The following ATP13A4 variants were observed in gnomAD, a reference collection of about 807,000 sequenced individuals.
ATP13A4 encodes the protein probable cation-transporting ATPase 13A4.
In ATP13A4, 114 loss-of-function variants were observed where a neutral mutation model predicts 142.5. That is an observed-to-expected ratio of 0.80 (90% CI 0.69 to 0.93). ATP13A4 has a LOEUF of 0.93. Ranked by LOEUF, ATP13A4 falls within the 40% of genes least tolerant of loss-of-function variation. The probability of loss-of-function intolerance (pLI) is 0.00; values close to 1 mark genes in which losing one functional copy is unlikely to be tolerated. For missense variants in ATP13A4, 1,392 were observed against 1,454.0 expected, an observed-to-expected ratio of 0.96 and a Z score of 0.69; for synonymous variants, 488 against 514.8, an observed-to-expected ratio of 0.95 and a Z score of 0.70.
intron 1 of ATP13A4, among the ~76,000 whole-genome samples, chr3:193,534,945 A>C (rs1282719987): frequency 8.1e-5 from 12 of 148,094 alleles, no homozygotes. Flanking sequence ...TCTGTAAAAA[A>C]TAAAGACAAA....
At chr3:193,482,025 G>A (rs1458745034) in intron 8 of ATP13A4, among the ~76,000 whole-genome samples, 1 of 152,116 alleles carries the variant, frequency 6.6e-6, no homozygotes, top group East Asian at 1.9e-4. Context: ...GAGCAAAACT[G>A]TAGGACTAAC....
rs114878968 is a variant in ATP13A4 at position 193,504,853 on chromosome 3, T to C, written c.235-2214A>G. On this transcript the variant is annotated intron_variant, in intron 2 of 29. Transcript: ENST00000342695. ...AGGAAGACAGCAACTATTAATCGTC[T>C]CCAGTGAATTAAAATAATATTAACA... 3.7e-3 allele frequency among the ~76,000 whole-genome samples: 564 copies of C among 152,276 alleles called. 1 individual carries two copies. The highest frequency in any genetic ancestry group is 5.4e-3 in the Non-Finnish European group (364 of 68,022).
intron 16 of ATP13A4, among the ~76,000 whole-genome samples, chr3:193,456,593 A>G (rs1717627034): frequency 6.6e-6 from 1 of 152,188 alleles, no homozygotes; most frequent in South Asian, 2.1e-4. Flanking sequence ...GAGGTAAAAA[A>G]TCTGGTCACA....
At position 193,583,252 on chromosome 3, in the gene ATP13A4, G is replaced by A. The variant is rs573740338; in HGVS notation, n.92-1346C>T. Among the ~76,000 whole-genome samples the A allele has an allele frequency of 1.6e-3, 250 of 151,662 alleles. 1 individual carries two copies. Among genetic ancestry groups the A allele is most frequent in the African/African-American group, 5.1e-3 (212 of 41,376 alleles). On this transcript the variant is annotated intron_variant and non_coding_transcript_variant, in intron 1 of 3. Coordinates refer to the ATP13A4 transcript ENST00000489140. ...GTTTGAGACCAGCCTGGCCAACGTG[G>A]CGAAACCCCGTCTCTACTAAAAATA...
chr3:193,564,514 C>T (rs774677468), intron 2 of ATP13A4, among the ~76,000 whole-genome samples: 3 of 152,170 alleles, frequency 2.0e-5, no homozygotes, highest in Non-Finnish European at 2.9e-5. Flanking sequence ...CTAGGATTAA[C>T]AGGTGGAAAC....
intron 3 of ATP13A4, among the ~76,000 whole-genome samples, chr3:193,501,934 A>C (rs1720566869): frequency 6.6e-6 from 1 of 152,308 alleles, no homozygotes. Context: ...ACCCTGTTAC[A>C]TAGATTGTAA....
At chr3:193,514,294 G>T (rs150075162) in intron 2 of ATP13A4, among the ~76,000 whole-genome samples, 2,540 of 152,144 alleles carry the variant, frequency 0.017, 36 homozygotes, top group Non-Finnish European at 0.026. Context: ...GTGTCCATGT[G>T]TTATCATTTA....
chr3:193,545,997 G>A (rs1229734427), intron 1 of ATP13A4, among the ~76,000 whole-genome samples: 10 of 150,834 alleles, frequency 6.6e-5, no homozygotes, highest in Non-Finnish European at 4.4e-5. Flanking sequence ...GTGTGTGTGT[G>A]TGTGTGTGTG....
At position 193,506,539 on chromosome 3, in the gene ATP13A4, T is replaced by C. The variant is rs1401169662; in HGVS notation, c.235-3900A>G. ...CCTGTGGTTTTGTACTTTCTGACCC[T>C]GGAAATGCCAGATAAACTTTTAGAC... On this transcript the variant is annotated intron_variant, in intron 2 of 29. Coordinates refer to ENST00000342695, the MANE Select transcript of ATP13A4 (RefSeq NM_032279.4). Among the ~76,000 whole-genome samples, 2 of 152,214 alleles carry C rather than the reference T, an allele frequency of 1.3e-5. 1 individual carries two copies. The highest frequency in any genetic ancestry group is 4.8e-5 in the African/African-American group (2 of 41,460).
chr3:193,483,584 C>T (rs1719424185), intron 8 of ATP13A4, among the ~76,000 whole-genome samples: 1 of 152,104 alleles, frequency 6.6e-6, no homozygotes, highest in Non-Finnish European at 1.5e-5. Context: ...CCTGCCTCAG[C>T]CTCCTGAATA....
intron 1 of ATP13A4, among the ~76,000 whole-genome samples, chr3:193,529,085 C>T (rs1199940729): frequency 6.6e-6 from 1 of 152,148 alleles, no homozygotes; most frequent in East Asian, 1.9e-4. Flanking sequence ...TCCTAGCTAA[C>T]ATGGCGAAAC....
chr3:193,435,707 A>G lies in ATP13A4; in HGVS notation c.2710T>C (p.Phe904Leu), dbSNP rs781608856. The G allele has an allele frequency of 6.2e-7, 1 of 1,614,130 alleles. No individual in the cohort carries two copies. The highest frequency in any genetic ancestry group is 1.7e-5 in the Admixed American group (1 of 60,026). The change falls in exon 24 of 30, where the codon TTT becomes CTT. Residue 904 changes from phenylalanine (F) to leucine (L), a missense_variant. Coordinates refer to ENST00000342695, the MANE Select transcript of ATP13A4 (RefSeq NM_032279.4). Reference sequence around the variant, plus strand: ...ATGCTGTACAGAGCCATGTACTTAAACATGCAAAAGGAGGTAACGAGAGCT... The same window carrying G: ...ATGCTGTACAGAGCCATGTACTTAAGCATGCAAAAGGAGGTAACGAGAGCT... ...RAALVTSFCM[F>L]KYMALYSMIQ...
intron 25 of ATP13A4, among the ~76,000 whole-genome samples, chr3:193,420,002 G>A (rs6444722): frequency 0.54 from 80,607 of 148,982 alleles, 23,699 homozygotes; most frequent in Non-Finnish European, 0.59. Flanking sequence ...AGGGAACTTC[G>A]TTGCCATTAT....
At chr3:193,580,099 C>T (rs1291957880) in intron 2 of ATP13A4, among the ~76,000 whole-genome samples, 7 of 152,056 alleles carry the variant, frequency 4.6e-5, no homozygotes, top group Non-Finnish European at 7.4e-5. Flanking sequence ...GAAGTTCTAG[C>T]GTGTGTGTTT....
rs1289804242 is a variant in ATP13A4, at chr3:193,454,159, C to G, written c.1969G>C (p.Val657Leu). The G allele has an allele frequency of 6.2e-7, 1 of 1,614,068 alleles. No homozygotes were observed. The highest frequency in any genetic ancestry group is 8.5e-7 in the Non-Finnish European group (1 of 1,180,004). The change falls in exon 17 of 30, where the codon GTC becomes CTC. Residue 657 changes from valine (V) to leucine (L), a missense_variant. By Grantham distance (32) the Val-to-Leu change is conservative (BLOSUM62 1). Coordinates refer to ENST00000342695, the MANE Select transcript of ATP13A4 (RefSeq NM_032279.4). ...LQIYTTQGFR[V>L]IALAYKKLEN... is the part of the protein sequence containing the mutation. ...AGCTTCTTGTAGGCCAGTGCTATGA[C>G]TCGGAAGCCCTGTGTCGTGTAAATC...
chr3:193,540,214 C>T (rs909799052), intron 1 of ATP13A4, among the ~76,000 whole-genome samples: 3 of 151,898 alleles, frequency 2.0e-5, no homozygotes, highest in African/African-American at 4.8e-5. Context: ...CTATTCACCC[C>T]GTAACATGTT....
chr3:193,479,253 G>A (rs146194337), intron 8 of ATP13A4, among the ~76,000 whole-genome samples: 1 of 152,156 alleles, frequency 6.6e-6, no homozygotes, highest in East Asian at 1.9e-4. Context: ...ACATAATATT[G>A]GAAGTTCTAG....
chr3:193,414,888 CAATT>C, intron 25 of ATP13A4, 138 bp from the exon 26 acceptor site: 2 of 814,054 alleles, frequency 2.5e-6, no homozygotes, highest in Non-Finnish European at 4.1e-6. Context: ...GGGAATAAAA[CAATT>C]AATGGACTCA....
At chr3:193,580,962 A>C (rs1431644534) in intron 2 of ATP13A4, among the ~76,000 whole-genome samples, 1 of 152,236 alleles carries the variant, frequency 6.6e-6, no homozygotes. Context: ...TGATGTGTTC[A>C]TATGCATAAG....
Sources: gnomAD v4.1 joint callset for allele counts (sites outside exome capture counted in the v4.1 genomes callset) on GRCh38, gnomAD v4.1.1 for gene constraint, MANE v1.5 for transcripts, NCBI Gene and HGNC (gene_info 2026-07-23, HGNC 2026-07-21) for gene names.